KCNC1: variants seen among roughly 807,000 people sequenced by gnomAD.
The protein encoded by KCNC1 is potassium voltage-gated channel subfamily C member 1.
A neutral mutation model predicts 43.4 loss-of-function variants in KCNC1; 8 were observed. The ratio of observed to expected loss-of-function variants is 0.18; its 90% CI spans 0.11 to 0.33. The LOEUF is 0.33. KCNC1 is among the 10% of genes least tolerant of loss of function. The pLI is 1.00. For synonymous variants in KCNC1, 361 were observed against 360.5 expected, an observed-to-expected ratio of 1.00 and a Z score of -0.01; for missense variants, 420 against 836.0, an observed-to-expected ratio of 0.50 and a Z score of 6.14.
chr11:17,778,570 C>G (rs1849311011), intron 2 of KCNC1, among the ~76,000 whole-genome samples: 1 of 152,246 alleles, frequency 6.6e-6, no homozygotes, highest in Non-Finnish European at 1.5e-5. Flanking sequence ...GTGGAAGACA[C>G]TGGCTTGATA....
intron 2 of KCNC1, chr11:17,774,052 C>A: frequency 1.0e-6 from 1 of 985,528 alleles, no homozygotes; most frequent in Non-Finnish European, 1.2e-6. Context: ...CACAGCTATG[C>A]TGGCCCGAGC....
chr11:17,761,689 G>A (rs866361829), intron 1 of KCNC1, among the ~76,000 whole-genome samples: 5 of 152,160 alleles, frequency 3.3e-5, no homozygotes, highest in South Asian at 2.1e-4. Flanking sequence ...ACCGTGGTCC[G>A]TTAAGCATCA....
rs1382192415 is a variant in KCNC1, at chr11:17,747,685, G to T, written c.570+11113G>T. Among the ~76,000 whole-genome samples the T allele has an allele frequency of 3.9e-5, 6 of 152,304 alleles. No homozygotes were observed. The East Asian group carries it at 5.8e-4, about 15-fold the overall frequency. ...GGCGGCCCCAGCCAGCTGAGCTCAG[G>T]GGGGCTCAGGAACCAGCCTCGCTGG... On this transcript the variant is annotated intron_variant, in intron 1 of 3. Transcript: ENST00000265969.
At chr11:17,772,982 G>A in intron 2 of KCNC1, 1 of 1,097,656 alleles carries the variant, frequency 9.1e-7, no homozygotes, top group Non-Finnish European at 1.1e-6. Flanking sequence ...ACAGAGTGGG[G>A]GCGGGTGTGA....
At position 17,736,353 on chromosome 11, in the gene KCNC1, G is replaced by A; in HGVS notation, c.351G>A (p.Glu117=). 1 of 1,612,942 alleles carries A rather than the reference G, an allele frequency of 6.2e-7. No individual in the cohort carries two copies. The highest frequency in any genetic ancestry group is 8.5e-7 in the Non-Finnish European group (1 of 1,179,772). The change falls in exon 1 of 4, where the codon GAG becomes GAA. Residue 117 remains glutamate (E), a synonymous_variant. Coordinates refer to ENST00000265969, the MANE Select transcript of KCNC1 (RefSeq NM_001112741.2). The surrounding 1 kb of genome is among the most constrained non-coding windows in gnomAD (Gnocchi z 9.3). The part of the protein sequence containing the change: ...MTYRQHRDAE[E]ALDSFGGAPL... ...ACCGCCAGCACCGCGACGCCGAGGA[G>A]GCTCTGGACAGCTTCGGCGGCGCTC... is the stretch of plus-strand genomic sequence containing the variant.
intron 1 of KCNC1, among the ~76,000 whole-genome samples, chr11:17,744,288 C>T (rs962673647): frequency 6.6e-6 from 1 of 152,174 alleles, no homozygotes; most frequent in African/African-American, 2.4e-5. Flanking sequence ...GCCAGTCCTC[C>T]CCTATTTCTC....
At position 17,776,023 on chromosome 11, in the gene KCNC1, G is replaced by A; in HGVS notation, c.1504+3425G>A. The stretch of plus-strand genomic sequence containing the variant: ...GGGCAGCGCTGACTAGGCGGCGGGT[G>A]GGGCTAAGAGAGTTTCTGCAGGGAC... On this transcript the variant is annotated intron_variant, in intron 2 of 3. Transcript: ENST00000265969. The surrounding 1 kb of genome is among the most constrained non-coding windows in gnomAD (Gnocchi z 4.4). 1 of 985,414 alleles carries A rather than the reference G, an allele frequency of 1.0e-6. No homozygotes were observed. The highest frequency in any genetic ancestry group is 1.2e-6 in the Non-Finnish European group (1 of 829,960). 61.0% of individuals were successfully genotyped at this position (985,414 alleles called of 1,614,324 possible).
intron 1 of KCNC1, among the ~76,000 whole-genome samples, chr11:17,745,276 C>T (rs1026334376): frequency 1.3e-5 from 2 of 152,266 alleles, no homozygotes; most frequent in Admixed American, 6.5e-5. Flanking sequence ...GGGACTGGGC[C>T]TGGGGTGAGG....
chr11:17,766,957 T>TA (rs1195820176), intron 1 of KCNC1, among the ~76,000 whole-genome samples: 2 of 67,966 alleles, frequency 2.9e-5, no homozygotes, highest in Non-Finnish European at 2.8e-5. Context: ...CCATCTCTAC[T>TA]AAAAAATACC....
At chr11:17,774,975 G>A (rs1055888814) in intron 2 of KCNC1, 36 of 985,252 alleles carry the variant, frequency 3.7e-5, no homozygotes, top group Admixed American at 1.2e-4. Flanking sequence ...CTTTAGGGGC[G>A]TTGTCCCCAC....
chr11:17,737,379 G>C (rs11605225), intron 1 of KCNC1, among the ~76,000 whole-genome samples: 1 of 152,136 alleles, frequency 6.6e-6, no homozygotes, highest in Non-Finnish European at 1.5e-5. Flanking sequence ...GGGTCCTTAA[G>C]GGGGAACCTG....
chr11:17,763,162 C>T (rs954651451), intron 1 of KCNC1, among the ~76,000 whole-genome samples: 4 of 152,030 alleles, frequency 2.6e-5, no homozygotes, highest in African/African-American at 9.7e-5. Flanking sequence ...ACGTCTGCGC[C>T]GGGACGCTGC....
rs1027542042 is a variant in KCNC1 at position 17,781,097 on chromosome 11, G to C, written c.1694-573G>C. 1 of 152,292 alleles carries C rather than the reference G, an allele frequency of 6.6e-6. No homozygotes were observed. The highest frequency in any genetic ancestry group is 1.5e-5 in the Non-Finnish European group (1 of 68,070). The allele number at this position is 152,292 out of a possible 1,614,324, so 9.4% of individuals were successfully genotyped here. ...TGCCCTGCCCAGTAAGCTCTCGTGGGCTTTCTGTCTCCATCATCTTGAATG... is the reference window on the plus strand; with the variant it reads ...TGCCCTGCCCAGTAAGCTCTCGTGGCCTTTCTGTCTCCATCATCTTGAATG... On this transcript the variant is annotated intron_variant, in intron 3 of 3. Transcript: ENST00000265969. The surrounding 1 kb of genome is among the most constrained non-coding windows in gnomAD (Gnocchi z 5.1).
chr11:17,762,185 ACT>A (rs1849085242), intron 1 of KCNC1, among the ~76,000 whole-genome samples: 1 of 152,080 alleles, frequency 6.6e-6, no homozygotes, highest in South Asian at 2.1e-4. Flanking sequence ...GCTCAGCCTC[ACT>A]CACACTGCAT....
In KCNC1 at chr11:17,781,601, CTA is replaced by C; in HGVS notation, c.1694-68_1694-67del. The C allele has an allele frequency of 2.7e-6, 3 of 1,093,872 alleles. No individual in the cohort carries two copies. The highest frequency in any genetic ancestry group is 4.1e-6 in the Non-Finnish European group (3 of 735,392). 67.8% of individuals were successfully genotyped at this position (1,093,872 alleles called of 1,614,324 possible). On this transcript the variant is annotated intron_variant, in intron 3 of 3. Transcript: ENST00000265969. The surrounding 1 kb of genome is among the most constrained non-coding windows in gnomAD (Gnocchi z 5.1). ...TGTCTTTCCTCCTCCTTCTTAAAAACTAAGTACCAAGCGGGATGGGAGAGCCA... is the reference window on the plus strand; with the variant it reads ...TGTCTTTCCTCCTCCTTCTTAAAAACAGTACCAAGCGGGATGGGAGAGCCA...
chr11:17,751,765 A>G (rs1017318572), intron 1 of KCNC1, among the ~76,000 whole-genome samples: 6 of 152,194 alleles, frequency 3.9e-5, no homozygotes. Flanking sequence ...GGTTTTCCAG[A>G]CCTGCCTCTG....
Position 17,772,065 on chromosome 11 carries a change from T to C in KCNC1, c.971T>C (p.Leu324Pro). ...GTGCGCATCTTGCGCATCTTTAAGC[T>C]GACCCGCCACTTTGTGGGCCTGCGG... ...RFVRILRIFK[L>P]TRHFVGLRVL... is the part of the protein sequence containing the mutation. The change falls in exon 2 of 4, where the codon CTG becomes CCG. Residue 324 changes from leucine (L) to proline (P), a missense_variant. Transcript: ENST00000265969. The C allele has an allele frequency of 6.2e-7, 1 of 1,609,482 alleles. No individual in the cohort carries two copies. The highest frequency in any genetic ancestry group is 8.5e-7 in the Non-Finnish European group (1 of 1,178,618).
At chr11:17,755,329 C>T (rs1370649669) in intron 1 of KCNC1, among the ~76,000 whole-genome samples, 1 of 152,104 alleles carries the variant, frequency 6.6e-6, no homozygotes, top group African/African-American at 2.4e-5. Context: ...AGAAATAGGG[C>T]GCCAGTGCAG....
Position 17,779,791 on chromosome 11 carries a change from C to G in KCNC1, c.1693+147C>G. ...ATGGAGGGAATCTCCCAGGGTCGGC[C>G]CCTGGAGGGCTGAGGCCCTTCCCCC... On this transcript the variant is annotated intron_variant, in intron 3 of 3. Coordinates refer to ENST00000265969, the MANE Select transcript of KCNC1 (RefSeq NM_001112741.2). This position sits in a 1 kb window ranked among gnomAD's most constrained non-coding sequence, Gnocchi z 7.2. The G allele has an allele frequency of 3.3e-6, 2 of 611,200 alleles. No individual in the cohort carries two copies. The highest frequency in any genetic ancestry group is 5.2e-6 in the Non-Finnish European group (2 of 386,446). 37.9% of individuals were successfully genotyped at this position (611,200 alleles called of 1,614,324 possible).
Sources: allele counts gnomAD v4.1 joint callset (sites outside exome capture counted in the v4.1 genomes callset), GRCh38; gene constraint gnomAD v4.1.1; non-coding constraint Gnocchi (gnomAD v3.1); transcripts MANE v1.5; gene names NCBI Gene and HGNC (gene_info 2026-07-23, HGNC 2026-07-21).